Variants in GGT1 observed in about 807,000 individuals in gnomAD.
GGT1 encodes the protein glutathione hydrolase 1 proenzyme.
Under a neutral mutation model 56.0 loss-of-function variants are expected in GGT1, and 21 were observed. The ratio of observed to expected loss-of-function variants is 0.38; its 90% CI spans 0.27 to 0.54. The LOEUF (loss-of-function observed/expected upper bound fraction) is 0.54, where lower values mean the gene tolerates loss of function less well. Ranked by LOEUF, GGT1 falls within the 20% of genes least tolerant of loss-of-function variation. The pLI is 0.82. For missense variants in GGT1, 466 were observed against 787.0 expected (o/e 0.59, Z 4.88); for synonymous variants, 238 against 342.6 (o/e 0.69, Z 3.37).
chr22:24,585,848 A>G, the GGT1 span: 2 of 1,514,182 alleles, frequency 1.3e-6, no homozygotes, highest in Non-Finnish European at 1.8e-6. Context: ...GCTTGAGAGC[A>G]TCACAAGTCA....
chr22:24,627,378 C>CCCCAGGGG, intron 11 of GGT1, 54 bp from the exon 12 acceptor site: 1 of 817,546 alleles, frequency 1.2e-6, no homozygotes, highest in Non-Finnish European at 2.0e-6. Context: ...AGACCTGTGC[C>CCCCAGGGG]CCCTCCCCAC....
chr22:24,607,274 GT>G (rs1175903442), intron 1 of GGT1, among the ~76,000 whole-genome samples: 8 of 151,938 alleles, frequency 5.3e-5, no homozygotes, highest in Non-Finnish European at 1.0e-4. Flanking sequence ...ACAGCAGCGT[GT>G]GGTGAGGCCC....
In GGT1 at chr22:24,623,857, C is replaced by T. The variant is rs112130440; in HGVS notation, c.961C>T (p.Arg321Trp). Reference protein sequence around the residue: ...LTYHRIVEAFRFAYAKRTLLG... With the variant: ...LTYHRIVEAFWFAYAKRTLLG... Reference sequence around the variant, plus strand: ...GTACCACCGCATCGTAGAGGCTTTCCGGTTTGCCTACGCCAAGAGGACCCT... The same window carrying T: ...GTACCACCGCATCGTAGAGGCTTTCTGGTTTGCCTACGCCAAGAGGACCCT... The change falls in exon 11 of 16, where the codon CGG becomes TGG. Residue 321 changes from arginine (R) to tryptophan (W), a missense_variant. Arg to Trp is a moderately radical substitution (Grantham distance 101). Around this residue, in one of 2 missense-constraint regions of GGT1, gnomAD observed 456 missense variants for 716.7 expected, o/e 0.64. Coordinates refer to ENST00000400382, the MANE Select transcript of GGT1 (RefSeq NM_001288833.2). The T allele has an allele frequency of 5.6e-6, 9 of 1,611,824 alleles. No individual in the cohort carries two copies. The highest frequency in any genetic ancestry group is 1.3e-5 in the African/African-American group (1 of 74,934).
chr22:24,586,152 G>A, the GGT1 span: 2 of 1,613,514 alleles, frequency 1.2e-6, no homozygotes, highest in East Asian at 4.5e-5. Context: ...GCATCAGTGA[G>A]CTTGCGGGCA....
intron 11 of GGT1, among the ~76,000 whole-genome samples, chr22:24,625,106 A>G (rs963409894): frequency 6.6e-6 from 1 of 152,160 alleles, no homozygotes; most frequent in Non-Finnish European, 1.5e-5. Flanking sequence ...GTCTCCACCC[A>G]CATCTATTGG....
intron 5 of GGT1, among the ~76,000 whole-genome samples, chr22:24,614,323 T>C (rs2046897822): frequency 8.6e-6 from 1 of 116,770 alleles, no homozygotes; most frequent in African/African-American, 3.6e-5. Flanking sequence ...CACTCCAGCC[T>C]GAGCAACAAA....
chr22:24,605,363 TTA>T (rs1245108404), intron 1 of GGT1, among the ~76,000 whole-genome samples: 1 of 54,858 alleles, frequency 1.8e-5, no homozygotes, highest in Non-Finnish European at 2.8e-5. Flanking sequence ...ATAATATGTA[TTA>T]TATATTATAT....
the GGT1 span, chr22:24,586,530 T>C: frequency 9.2e-7 from 1 of 1,091,750 alleles, no homozygotes; most frequent in Non-Finnish European, 1.3e-6. Flanking sequence ...AGATTCAAAC[T>C]GTGTCTTTCG....
At chr22:24,592,706 C>T (rs2071761782), upstream of GGT1, 6 of 1,259,622 alleles carry the variant, frequency 4.8e-6, no homozygotes, top group Non-Finnish European at 6.2e-6. Context: ...TGCAGCCTGT[C>T]GCGCCCTCGG....
At chr22:24,625,673 C>T (rs969189407) in intron 11 of GGT1, among the ~76,000 whole-genome samples, 1 of 151,922 alleles carries the variant, frequency 6.6e-6, no homozygotes, top group Non-Finnish European at 1.5e-5. Context: ...TCCCGAGTAG[C>T]TGGGATTACA....
At chr22:24,588,140 G>A in the GGT1 span, 3 of 1,157,788 alleles carry the variant, frequency 2.6e-6, no homozygotes, top group Non-Finnish European at 3.8e-6. Context: ...GCCTCTTGGT[G>A]AGAGTGCAGG....
At chr22:24,602,088 A>G (rs1308898926), upstream of GGT1, among the ~76,000 whole-genome samples, 4 of 151,626 alleles carry the variant, frequency 2.6e-5, no homozygotes, top group Non-Finnish European at 5.9e-5. Flanking sequence ...TAGCTCGGCC[A>G]CCTCCTTTTC....
chr22:24,604,043 G>A (rs1249353558), intron 1 of GGT1, among the ~76,000 whole-genome samples: 1 of 152,156 alleles, frequency 6.6e-6, no homozygotes, highest in East Asian at 1.9e-4. Flanking sequence ...GCTCTGTGCC[G>A]CAAGGGTGGA....
chr22:24,588,333 T>A, the GGT1 span: 1 of 1,606,574 alleles, frequency 6.2e-7, no homozygotes, highest in African/African-American at 1.3e-5. Context: ...CATAGTCCTG[T>A]GGGAGGGCAG....
chr22:24,612,984 C>G (rs754680347), intron 5 of GGT1, among the ~76,000 whole-genome samples: 2 of 152,104 alleles, frequency 1.3e-5, no homozygotes, highest in Non-Finnish European at 2.9e-5. Flanking sequence ...AGCCATGGTG[C>G]CTGGCTTCTA....
chr22:24,622,998 C>G (rs1281713432), intron 9 of GGT1, 109 bp from the exon 10 acceptor site: 6 of 1,361,908 alleles, frequency 4.4e-6, no homozygotes, highest in Non-Finnish European at 4.1e-6. Flanking sequence ...CTTTTCCCCA[C>G]CACCATGGTG....
chr22:24,602,515 G>A (rs73879094), upstream of GGT1, among the ~76,000 whole-genome samples: 1,748 of 152,312 alleles, frequency 0.011, 28 homozygotes, highest in African/African-American at 0.04. Context: ...CCAGCGCTGT[G>A]GGGGCACCCA....
chr22:24,585,990 G>T, the GGT1 span: 27 of 1,610,710 alleles, frequency 1.7e-5, no homozygotes, highest in African/African-American at 3.5e-4. Context: ...TCAGGCTCAA[G>T]GTCCAGGCCC....
At chr22:24,592,922 A>G (rs2045616684), upstream of GGT1, 1 of 1,262,968 alleles carries the variant, frequency 7.9e-7, no homozygotes, top group Non-Finnish European at 1.0e-6. Context: ...CGGAGCGTGG[A>G]CTGGATCTCG....
Sources: allele counts gnomAD v4.1 joint callset (sites outside exome capture counted in the v4.1 genomes callset), GRCh38; gene constraint gnomAD v4.1.1; regional missense constraint gnomAD v4.1.1; transcripts MANE v1.5; gene names NCBI Gene and HGNC (gene_info 2026-07-23, HGNC 2026-07-21).